The following MRAS variants were observed in gnomAD, a reference collection of about 807,000 sequenced individuals.
MRAS encodes the protein ras-related protein M-Ras.
In MRAS, 4 loss-of-function variants were observed where a neutral mutation model predicts 20.9. The observed-to-expected ratio is 0.19, with a 90% CI of 0.09 to 0.44. The LOEUF is 0.44. Among genes scored for constraint, MRAS ranks in the 20% least tolerant of loss-of-function variants. MRAS has a pLI of 0.99. For synonymous variants in MRAS, 98 were observed against 102.9 expected, an observed-to-expected ratio of 0.95 and a Z score of 0.29; for missense variants, 154 against 277.5, an observed-to-expected ratio of 0.56 and a Z score of 3.16.
Position 138,400,607 on chromosome 3 carries a change from T to G in MRAS, c.521T>G (p.Val174Gly). Residue 174 changes from valine (V) to glycine (G), a missense_variant, in exon 5 of 6, where the codon GTA becomes GGA. Physicochemically the swap from Val to Gly is moderately radical, Grantham distance 109. This residue lies in a region of MRAS where 125 missense variants were observed against 213.5 expected (regional missense o/e 0.59). Transcript: ENST00000423968. ...VDKAFHDLVR[V>G]IRQQIPEKSQ... is the part of the protein sequence containing the mutation. ...AAAGCCTTCCATGACCTCGTTAGAGTAATTAGGTGAGCACTGCCCTCTCCC... is the reference window on the plus strand; with the variant it reads ...AAAGCCTTCCATGACCTCGTTAGAGGAATTAGGTGAGCACTGCCCTCTCCC... The G allele has an allele frequency of 6.2e-7, 1 of 1,610,316 alleles. No homozygotes were observed.
chr3:138,358,711 G>A (rs984078079), intron 1 of MRAS, among the ~76,000 whole-genome samples: 5 of 152,232 alleles, frequency 3.3e-5, no homozygotes, highest in South Asian at 2.1e-4. Flanking sequence ...ACATGTTTAC[G>A]TCTTGTAAAC....
chr3:138,377,078 G>A (rs1433034929), intron 2 of MRAS, among the ~76,000 whole-genome samples: 1 of 152,228 alleles, frequency 6.6e-6, no homozygotes. Context: ...GGAGCAGCAG[G>A]GAGAGGGGAA....
chr3:138,350,899 C>T (rs1369146672), intron 1 of MRAS, among the ~76,000 whole-genome samples: 4 of 147,846 alleles, frequency 2.7e-5, no homozygotes, highest in South Asian at 2.1e-4. Context: ...GCCATGATCA[C>T]GCCACTGCAC....
intron 1 of MRAS, 42 bp from the exon 2 acceptor site, chr3:138,372,823 TA>T (rs1446343821): frequency 1.5e-6 from 2 of 1,368,614 alleles, no homozygotes; most frequent in Non-Finnish European, 2.0e-6. Context: ...TCCCCTAAGT[TA>T]AAAAAGCCCT....
intron 1 of MRAS, among the ~76,000 whole-genome samples, chr3:138,361,229 A>G (rs2054440072): frequency 1.3e-5 from 2 of 152,184 alleles, no homozygotes; most frequent in African/African-American, 4.8e-5. Flanking sequence ...AGGACACCAG[A>G]CCAGGAATCA....
intron 1 of MRAS, among the ~76,000 whole-genome samples, chr3:138,357,227 G>T (rs2054354388): frequency 6.7e-6 from 1 of 150,128 alleles, no homozygotes; most frequent in South Asian, 2.1e-4. Context: ...GGCCGCCCTT[G>T]CCCCAAGCGG....
chr3:138,353,334 CA>C (rs1166986380), intron 1 of MRAS, among the ~76,000 whole-genome samples: 7 of 152,156 alleles, frequency 4.6e-5, no homozygotes, highest in African/African-American at 1.7e-4. Context: ...AAATATGGCC[CA>C]AATGGGAAAG....
At chr3:138,400,957 C>T (rs2055347905) in intron 5 of MRAS, among the ~76,000 whole-genome samples, 1 of 152,200 alleles carries the variant, frequency 6.6e-6, no homozygotes, top group Non-Finnish European at 1.5e-5. Context: ...ACTGTACAAA[C>T]TAGGTCTCTC....
At chr3:138,370,371 G>A (rs762167368) in intron 1 of MRAS, among the ~76,000 whole-genome samples, 1 of 152,116 alleles carries the variant, frequency 6.6e-6, no homozygotes, top group African/African-American at 2.4e-5. Context: ...CAGCGTCATT[G>A]CCCAGGACAG....
chr3:138,388,878 G>A (rs1457812280), intron 2 of MRAS, among the ~76,000 whole-genome samples: 2 of 151,820 alleles, frequency 1.3e-5, no homozygotes, highest in African/African-American at 4.8e-5. Context: ...TTTCACTCTC[G>A]TTGCCCAGGC....
At chr3:138,353,484 C>T (rs1373895470) in intron 1 of MRAS, among the ~76,000 whole-genome samples, 2 of 152,172 alleles carry the variant, frequency 1.3e-5, no homozygotes, top group African/African-American at 4.8e-5. Flanking sequence ...CAGTCCACTG[C>T]ATTTGCGGAT....
chr3:138,390,049 A>G (rs1280247367), intron 2 of MRAS, among the ~76,000 whole-genome samples: 1 of 138,692 alleles, frequency 7.2e-6, no homozygotes, highest in East Asian at 2.4e-4. Flanking sequence ...GAGGAGAAGC[A>G]GAGAAAAGGG....
At chr3:138,371,222 T>C (rs1232514520) in intron 1 of MRAS, among the ~76,000 whole-genome samples, 1 of 152,174 alleles carries the variant, frequency 6.6e-6, no homozygotes, top group Non-Finnish European at 1.5e-5. Context: ...TCCGACACTT[T>C]GGGGAAGTCC....
At chr3:138,392,768 A>G (rs535549741) in intron 2 of MRAS, among the ~76,000 whole-genome samples, 1 of 152,216 alleles carries the variant, frequency 6.6e-6, no homozygotes, top group South Asian at 2.1e-4. Context: ...AGGCAAATGG[A>G]TTTTGTATTT....
At chr3:138,351,798 G>A (rs769600829) in intron 1 of MRAS, among the ~76,000 whole-genome samples, 22 of 152,164 alleles carry the variant, frequency 1.4e-4, no homozygotes, top group Non-Finnish European at 2.6e-4. Context: ...AGAGTAATAG[G>A]TTTTGTCTTC....
intron 1 of MRAS, among the ~76,000 whole-genome samples, chr3:138,354,446 T>C (rs2054290040): frequency 6.6e-6 from 1 of 152,212 alleles, no homozygotes; most frequent in Non-Finnish European, 1.5e-5. Flanking sequence ...CTCCTGAGTT[T>C]TCATGTATTG....
At chr3:138,363,604 G>C (rs1394665055) in intron 1 of MRAS, among the ~76,000 whole-genome samples, 1 of 152,132 alleles carries the variant, frequency 6.6e-6, no homozygotes, top group Non-Finnish European at 1.5e-5. Flanking sequence ...TAGTTCCCAG[G>C]ACCAAGCACA....
At position 138,397,381 on chromosome 3, in the gene MRAS, C is replaced by A. The variant is rs756765006; in HGVS notation, c.251C>A (p.Thr84Lys). The change falls in exon 3 of 6, where the codon ACG becomes AAG. Residue 84 changes from threonine to lysine, a missense_variant. Transcript: ENST00000423968. ...GCCATGCGGGAGCAATACATGCGCA[C>A]GGGGGATGGCTTCCTCATCGTCTAC... Reference protein sequence around the residue: ...FSAMREQYMRTGDGFLIVYSV... With the variant: ...FSAMREQYMRKGDGFLIVYSV... 2 of 1,614,102 alleles carry A rather than the reference C, an allele frequency of 1.2e-6. No homozygotes were observed. Among genetic ancestry groups the A allele is most frequent in the Admixed American group, 1.7e-5 (1 of 60,016 alleles).
At chr3:138,358,376 A>T (rs168818) in intron 1 of MRAS, among the ~76,000 whole-genome samples, 1 of 151,948 alleles carries the variant, frequency 6.6e-6, no homozygotes, top group African/African-American at 2.4e-5. Flanking sequence ...TAAATAACTC[A>T]TCTAAAAAAG....
Sources: gnomAD v4.1 joint callset for allele counts (sites outside exome capture counted in the v4.1 genomes callset) on GRCh38, gnomAD v4.1.1 for gene constraint, gnomAD v4.1.1 regional missense constraint, MANE v1.5 for transcripts, NCBI Gene and HGNC (gene_info 2026-07-23, HGNC 2026-07-21) for gene names.